NAV3: variants seen among roughly 807,000 people sequenced by gnomAD.
NAV3 encodes pore membrane and/or filament interacting like protein 1.
In NAV3, 87 loss-of-function variants were observed where a neutral mutation model predicts 244.7. The observed-to-expected ratio is 0.36, with a 90% CI of 0.30 to 0.42. The LOEUF (loss-of-function observed/expected upper bound fraction) is 0.42. Among genes scored for constraint, NAV3 ranks in the 20% least tolerant of loss-of-function variants. NAV3 has a pLI of 1.00. For synonymous variants in NAV3, 1,126 were observed against 1,042.2 expected (o/e 1.08, Z -1.55); for missense variants, 2,663 against 2,893.3 (o/e 0.92, Z 1.83).
chr12:78,167,150 AT>A (rs1957812790), intron 23 of NAV3, among the ~76,000 whole-genome samples: 1 of 151,724 alleles, frequency 6.6e-6, no homozygotes, highest in Non-Finnish European at 1.5e-5. Context: ...TCTGTTGCTA[AT>A]TTGGCAGTGG....
intron 2 of NAV3, among the ~76,000 whole-genome samples, chr12:77,823,513 A>G (rs986908799): frequency 6.6e-6 from 1 of 152,254 alleles, no homozygotes; most frequent in Non-Finnish European, 1.5e-5. Context: ...CAGAGTGAAA[A>G]GACCACAAGG....
intron 12 of NAV3, among the ~76,000 whole-genome samples, chr12:78,111,474 A>C (rs1354826549): frequency 3.9e-5 from 6 of 152,248 alleles, no homozygotes; most frequent in Non-Finnish European, 8.8e-5. Context: ...ACATGTCACC[A>C]AAAAATATAT....
At chr12:77,809,408 C>T (rs1248938946) in intron 2 of NAV3, among the ~76,000 whole-genome samples, 2 of 152,180 alleles carry the variant, frequency 1.3e-5, no homozygotes, top group African/African-American at 2.4e-5. Context: ...CTCATGGCTT[C>T]CCTTGGCTAG....
chr12:78,163,350 T>C (rs1434473517), intron 23 of NAV3, among the ~76,000 whole-genome samples: 3 of 152,096 alleles, frequency 2.0e-5, no homozygotes, highest in Non-Finnish European at 4.4e-5. Context: ...ACACTGGTTT[T>C]ATATACTTAT....
intron 2 of NAV3, among the ~76,000 whole-genome samples, chr12:77,577,493 A>G (rs1028467796): frequency 6.6e-6 from 1 of 152,198 alleles, no homozygotes; most frequent in Non-Finnish European, 1.5e-5. Context: ...AATGGGACAT[A>G]TGCATACTTT....
intron 1 of NAV3, among the ~76,000 whole-genome samples, chr12:77,843,464 A>C (rs924232499): frequency 6.6e-6 from 1 of 151,616 alleles, no homozygotes; most frequent in Non-Finnish European, 1.5e-5. Flanking sequence ...ATACTTAGAA[A>C]AACAGATTGA....
At chr12:77,700,769 TTTAA>T (rs532982253) in intron 2 of NAV3, among the ~76,000 whole-genome samples, 127 of 152,084 alleles carry the variant, frequency 8.4e-4, no homozygotes, top group African/African-American at 2.8e-3. Flanking sequence ...TGAATGGGTA[TTTAA>T]TTGTGTCACA....
chr12:77,908,749 C>A (rs1886268683), intron 1 of NAV3, among the ~76,000 whole-genome samples: 1 of 151,986 alleles, frequency 6.6e-6, no homozygotes, highest in Non-Finnish European at 1.5e-5. Context: ...GAGAAACATT[C>A]AACCCTTCTA....
At position 77,948,073 on chromosome 12, in the gene NAV3, TA is replaced by T. The variant is rs1405772260; in HGVS notation, c.414+6948del. ...TGGAACTCTGATTTGCTACCTTGAT[TA>T]AAAAAAATGCCAAAGATGATGATTT... On this transcript the variant is annotated intron_variant, in intron 3 of 39. Transcript: ENST00000397909. Among the ~76,000 whole-genome samples the T allele has an allele frequency of 5.3e-5, 8 of 151,936 alleles. No individual in the cohort carries two copies. The South Asian group carries it at 1.7e-3, about 32-fold the overall frequency.
chr12:77,651,077 C>T lies in NAV3; in HGVS notation c.72+78811C>T, dbSNP rs540080967. On this transcript the variant is annotated intron_variant, in intron 2 of 8. Coordinates refer to the NAV3 transcript ENST00000550042. ...TAAACTCATCAAAGTACAACTATAT[C>T]GCACATTGCTGATACATCATCATGA... Among the ~76,000 whole-genome samples the T allele has an allele frequency of 4.6e-5, 7 of 152,200 alleles. No individual in the cohort carries two copies. The East Asian group carries it at 1.2e-3, about 25-fold the overall frequency.
intron 22 of NAV3, among the ~76,000 whole-genome samples, chr12:78,157,962 T>A (rs1010678970): frequency 6.6e-6 from 1 of 152,124 alleles, no homozygotes; most frequent in Non-Finnish European, 1.5e-5. Context: ...AATTCAGAGC[T>A]AGGAACATGC....
At chr12:77,784,081 CTAATT>C (rs1009291516) in intron 2 of NAV3, among the ~76,000 whole-genome samples, 1 of 152,092 alleles carries the variant, frequency 6.6e-6, no homozygotes, top group African/African-American at 2.4e-5. Context: ...AGCAATAATA[CTAATT>C]TAATAGAGAC....
In NAV3 at chr12:78,199,530, T is replaced by C. The variant is rs1298653054; in HGVS notation, c.6714T>C (p.Ile2238=). Residue 2238 remains isoleucine, a splice_region_variant and synonymous_variant, in exon 37 of 40, where the codon ATT becomes ATC. Transcript: ENST00000397909. ...LETHSSSDVT[I]GPRLFLPCPM... ...CACACAGTTCTTCTGACGTTACCAT[T>C]GGTGAGTTCCAAAATTATAATATGC... is the stretch of plus-strand genomic sequence containing the variant. 1.9e-6 allele frequency: 3 copies of C among 1,570,810 alleles called. No individual in the cohort carries two copies. The highest frequency in any genetic ancestry group is 4.1e-5 in the Admixed American group (2 of 48,966).
chr12:77,943,223 G>A (rs1890040314), intron 3 of NAV3, among the ~76,000 whole-genome samples: 1 of 152,036 alleles, frequency 6.6e-6, no homozygotes, highest in Non-Finnish European at 1.5e-5. Context: ...TCTTATTCCT[G>A]TTAACTGCAA....
rs1594067705 is a variant in NAV3 at position 78,210,777 on chromosome 12, C to G, written c.*260C>G. 1 of 405,498 alleles carries G rather than the reference C, an allele frequency of 2.5e-6. No homozygotes were observed. Among genetic ancestry groups the G allele is most frequent in the East Asian group, 4.9e-5 (1 of 20,212 alleles). 25.1% of individuals were successfully genotyped at this position (405,498 alleles called of 1,614,324 possible). On this transcript the variant is annotated 3_prime_UTR_variant, in exon 40 of 40. Coordinates refer to ENST00000397909, the MANE Select transcript of NAV3 (RefSeq NM_001024383.2). ...GCTCCATTACTCAACTGGAAAGGAC[C>G]CTAATGACAGGGCAACTGAACAGAT...
intron 3 of NAV3, among the ~76,000 whole-genome samples, chr12:77,942,747 G>A (rs1456590683): frequency 2.6e-5 from 4 of 152,184 alleles, no homozygotes; most frequent in Non-Finnish European, 4.4e-5. Flanking sequence ...AATGAGATAT[G>A]TATGTGAACA....
At chr12:78,033,485 A>G (rs982649611) in intron 9 of NAV3, among the ~76,000 whole-genome samples, 2 of 152,028 alleles carry the variant, frequency 1.3e-5, no homozygotes, top group Admixed American at 6.6e-5. Context: ...TCTTCCTTGT[A>G]TAACATACAT....
intron 2 of NAV3, among the ~76,000 whole-genome samples, chr12:77,606,755 A>G (rs900780758): frequency 6.6e-6 from 1 of 152,130 alleles, no homozygotes; most frequent in Non-Finnish European, 1.5e-5. Flanking sequence ...TTTACATCAC[A>G]TGTCAAAACT....
intron 29 of NAV3, among the ~76,000 whole-genome samples, chr12:78,180,659 T>A (rs943659506): frequency 6.6e-6 from 1 of 152,054 alleles, no homozygotes; most frequent in Non-Finnish European, 1.5e-5. Flanking sequence ...TTGTCTATAT[T>A]TGTGAATTCA....
Sources: allele counts gnomAD v4.1 joint callset (sites outside exome capture counted in the v4.1 genomes callset), GRCh38; gene constraint gnomAD v4.1.1; transcripts MANE v1.5; gene names NCBI Gene and HGNC (gene_info 2026-07-23, HGNC 2026-07-21).